SUN2: variants seen among roughly 807,000 people sequenced by gnomAD.
SUN2 encodes the protein Sad1 and UNC84 domain containing 2.
A neutral mutation model predicts 100.0 loss-of-function variants in SUN2; 60 were observed. The ratio of observed to expected loss-of-function variants is 0.60; its 90% CI spans 0.49 to 0.74. The LOEUF (loss-of-function observed/expected upper bound fraction) is 0.74, where lower values mean the gene tolerates loss of function less well. Among genes scored for constraint, SUN2 ranks in the 30% least tolerant of loss-of-function variants. The pLI, the probability that SUN2 is intolerant of heterozygous loss-of-function variation, is 0.00. For missense variants in SUN2, 834 were observed against 954.6 expected, an observed-to-expected ratio of 0.87 and a Z score of 1.66; for synonymous variants, 367 against 403.3, an observed-to-expected ratio of 0.91 and a Z score of 1.08.
chr22:38,752,857 T>C lies in SUN2; in HGVS notation c.-37-192A>G, dbSNP rs57558063. On this transcript the variant is annotated intron_variant, in intron 1 of 17. Coordinates refer to ENST00000689035, the MANE Select transcript of SUN2 (RefSeq NM_015374.3). ...GGATCTGTGAAGCACCCCTGCACTG[T>C]GCAGCGGCTGGAGTCACGCCCGGCC... is the stretch of plus-strand genomic sequence containing the variant. Among the ~76,000 whole-genome samples, 10,294 of 152,236 alleles carry C rather than the reference T, an allele frequency of 0.068. 1,199 individuals are homozygous for C. Among genetic ancestry groups the C allele is most frequent in the African/African-American group, 0.24 (9,840 of 41,518 alleles).
chr22:38,750,907 C>A lies in SUN2; in HGVS notation c.415G>T (p.Asp139Tyr). ...AGGAAGCATCGCCTACCCACGTAGT[C>A]GTCCTCAGAGGAGTAGCCCGAGGAA... is the stretch of plus-strand genomic sequence containing the variant. ...GSSSGYSSEDDYVGYSDVDQQ... is the reference protein window; with the variant it reads ...GSSSGYSSEDYYVGYSDVDQQ... Residue 139 changes from aspartate to tyrosine, a missense_variant, in exon 4 of 18, where the codon GAC (aspartate) becomes TAC (tyrosine). Transcript: ENST00000689035. 5 of 1,614,044 alleles carry A rather than the reference C, an allele frequency of 3.1e-6. No individual in the cohort carries two copies. Among genetic ancestry groups the A allele is most frequent in the Non-Finnish European group, 3.4e-6 (4 of 1,180,010 alleles).
chr22:38,738,995 C>T lies in SUN2; in HGVS notation c.1664-7G>A, dbSNP rs779831994. On this transcript the variant is annotated splice_region_variant and splice_polypyrimidine_tract_variant and intron_variant, in intron 14 of 17. Coordinates refer to ENST00000689035, the MANE Select transcript of SUN2 (RefSeq NM_015374.3). This position sits in a 1 kb window ranked among gnomAD's most constrained non-coding sequence, Gnocchi z 6.6. ...GTGCTGATGACGCTGGCCCCTGAGA[C>T]AGGAGAGGAAGGCAGGGTGGGCTCC... 6.2e-7 allele frequency: 1 copy of T among 1,605,068 alleles called. No individual in the cohort carries two copies. Among genetic ancestry groups the T allele is most frequent in the Non-Finnish European group, 8.5e-7 (1 of 1,176,164 alleles).
In SUN2 at chr22:38,755,047, C is replaced by G; in HGVS notation, c.-38+716G>C. 2 of 1,129,048 alleles carry G rather than the reference C, an allele frequency of 1.8e-6. No homozygotes were observed. The highest frequency in any genetic ancestry group is 2.8e-5 in the South Asian group (2 of 70,924). The allele number at this position is 1,129,048 out of a possible 1,614,324, so 69.9% of individuals were successfully genotyped here. On this transcript the variant is annotated intron_variant, in intron 1 of 17. Coordinates refer to ENST00000689035, the MANE Select transcript of SUN2 (RefSeq NM_015374.3). This position sits in a 1 kb window ranked among gnomAD's most constrained non-coding sequence, Gnocchi z 5.7. ...CTCCCTAACAATCAGTTAGGAAACG[C>G]TCATCGGAAAGCATCCTTCCCCACT... is the stretch of plus-strand genomic sequence containing the variant.
intron 10 of SUN2, among the ~76,000 whole-genome samples, 193 bp downstream of exon 10, chr22:38,741,301 G>A (rs1383061502): frequency 6.6e-6 from 1 of 152,158 alleles, no homozygotes; most frequent in African/African-American, 2.4e-5. Flanking sequence ...CTGTGCCCTG[G>A]CACACCCCAG....
In SUN2 at chr22:38,739,135, G is replaced by C. The variant is rs1484198096; in HGVS notation, c.1664-147C>G. On this transcript the variant is annotated intron_variant, in intron 14 of 17. Coordinates refer to ENST00000689035, the MANE Select transcript of SUN2 (RefSeq NM_015374.3). This position sits in a 1 kb window ranked among gnomAD's most constrained non-coding sequence, Gnocchi z 6.7. ...CCGAGATGCTCAGAGCAGCTTTAAA[G>C]GTCAGCCTCTCCCTGGCCCAGGATG... 6.3e-6 allele frequency: 6 copies of C among 949,024 alleles called. No homozygotes were observed. The highest frequency in any genetic ancestry group is 4.9e-5 in the African/African-American group (3 of 61,412). The allele number at this position is 949,024 out of a possible 1,614,324, so 58.8% of individuals were successfully genotyped here. A position where few individuals can be genotyped will look rare whatever the true frequency, so the allele number is the denominator to read the frequency against.
At position 38,738,546 on chromosome 22, in the gene SUN2, C is replaced by T. The variant is rs201726682; in HGVS notation, c.1947+41G>A. On this transcript the variant is annotated intron_variant, in intron 16 of 17. Coordinates refer to ENST00000689035, the MANE Select transcript of SUN2 (RefSeq NM_015374.3). This position sits in a 1 kb window ranked among gnomAD's most constrained non-coding sequence, Gnocchi z 6.6. ...CTCAGTAGAGAGGCCCACAGGATCC[C>T]CCTGCAGCCCCTCTGGCCCCACCAC... The T allele has an allele frequency of 1.6e-5, 25 of 1,594,312 alleles. No homozygotes were observed. In the East Asian group the frequency reaches 5.2e-4, roughly 33 times the overall value.
chr22:38,748,457 C>T (rs1285257497), intron 7 of SUN2, among the ~76,000 whole-genome samples: 1 of 152,230 alleles, frequency 6.6e-6, no homozygotes, highest in Non-Finnish European at 1.5e-5. Flanking sequence ...AGGATGACTG[C>T]TAATGATAAT....
At position 38,751,284 on chromosome 22, in the gene SUN2, C is replaced by G. The variant is rs1330502605; in HGVS notation, c.212G>C (p.Ser71Thr). The change falls in exon 3 of 18, where the codon AGT becomes ACT. Residue 71 changes from serine (S) to threonine (T), a missense_variant. Transcript: ENST00000689035. ...CCAGGACTCGTGGACCAGCGACTCA[C>G]TGTAGTAGGAGGTGTGTGCATCAGA... The part of the protein sequence containing the change: ...PSSDAHTSYY[S>T]ESLVHESWFP... The G allele has an allele frequency of 6.2e-7, 1 of 1,614,070 alleles. No individual in the cohort carries two copies. Among genetic ancestry groups the G allele is most frequent in the Non-Finnish European group, 8.5e-7 (1 of 1,180,038 alleles).
In SUN2 at chr22:38,738,385, C is replaced by T; in HGVS notation, c.1948-120G>A. On this transcript the variant is annotated intron_variant, in intron 16 of 17. Transcript: ENST00000689035. The surrounding 1 kb of genome is among the most constrained non-coding windows in gnomAD (Gnocchi z 6.6). ...CACCAGAGTGGCCTATGACAAGTCA[C>T]TTCACTCTCTTGTGCCACAGTTTCT... is the stretch of plus-strand genomic sequence containing the variant. The T allele has an allele frequency of 9.1e-7, 1 of 1,097,216 alleles. No individual in the cohort carries two copies. The highest frequency in any genetic ancestry group is 1.3e-6 in the Non-Finnish European group (1 of 756,738). The allele number at this position is 1,097,216 out of a possible 1,614,324, so 68.0% of individuals were successfully genotyped here. A position where few individuals can be genotyped will look rare whatever the true frequency, so the allele number is the denominator to read the frequency against.
In SUN2 at chr22:38,736,227, C is replaced by A; in HGVS notation, c.*40G>T. 1.3e-6 allele frequency: 2 copies of A among 1,583,112 alleles called. No homozygotes were observed. The highest frequency in any genetic ancestry group is 1.1e-5 in the South Asian group (1 of 89,332). ...GGGGAAGCGGCGGGGTGCTGTTCAC[C>A]CACTCCCAGATGGCTGGCAGCAGGC... On this transcript the variant is annotated 3_prime_UTR_variant, in exon 18 of 18. Transcript: ENST00000689035.
chr22:38,752,439 G>A, intron 2 of SUN2, 68 bp downstream of exon 2: 4 of 1,537,800 alleles, frequency 2.6e-6, no homozygotes, highest in Non-Finnish European at 3.5e-6. Flanking sequence ...CTGGACCACA[G>A]GGCGTGCGGG....
chr22:38,749,735 G>T (rs775186342), intron 6 of SUN2, 31 bp downstream of exon 6: 1 of 1,599,574 alleles, frequency 6.3e-7, no homozygotes, highest in Admixed American at 1.7e-5. Context: ...AGGGCCTTGC[G>T]ATTTATTGGC....
At position 38,755,418 on chromosome 22, in the gene SUN2, C is replaced by T; in HGVS notation, c.-38+345G>A. ...TCTGACAGGCAGAGGCTGGGAACTG[C>T]CTGTCCCTGGAAACGGCCTGTCTGG... On this transcript the variant is annotated intron_variant, in intron 1 of 17. Coordinates refer to ENST00000689035, the MANE Select transcript of SUN2 (RefSeq NM_015374.3). This position sits in a 1 kb window ranked among gnomAD's most constrained non-coding sequence, Gnocchi z 5.7. 1.0e-6 allele frequency: 1 copy of T among 998,344 alleles called. No homozygotes were observed. Among genetic ancestry groups the T allele is most frequent in the South Asian group, 4.1e-5 (1 of 24,206 alleles). 61.8% of individuals were successfully genotyped at this position (998,344 alleles called of 1,614,324 possible). A position where few individuals can be genotyped will look rare whatever the true frequency, so the allele number is the denominator to read the frequency against.
At chr22:38,754,023 A>C (rs2092967732) in intron 1 of SUN2, among the ~76,000 whole-genome samples, 1 of 152,158 alleles carries the variant, frequency 6.6e-6, no homozygotes, top group African/African-American at 2.4e-5. Context: ...CAAAATAGGG[A>C]GGAGGAGGGC....
rs1418258736 is a variant in SUN2 at position 38,755,742 on chromosome 22, C to G, written c.-38+21G>C. On this transcript the variant is annotated intron_variant, in intron 1 of 17. Transcript: ENST00000689035. This position sits in a 1 kb window ranked among gnomAD's most constrained non-coding sequence, Gnocchi z 5.7. ...CCGGGCCGCGGCCCCCCAACCCTCT[C>G]CTGAGCTCGCCCGCACTCACCTGCT... The G allele has an allele frequency of 2.0e-6, 2 of 985,016 alleles. No individual in the cohort carries two copies. Among genetic ancestry groups the G allele is most frequent in the African/African-American group, 1.7e-5 (1 of 57,200 alleles). The allele number at this position is 985,016 out of a possible 1,614,324, so 61.0% of individuals were successfully genotyped here.
At chr22:38,750,839 C>G (rs1311477404) in intron 4 of SUN2, 59 bp downstream of exon 4, 5 of 1,601,336 alleles carry the variant, frequency 3.1e-6, no homozygotes, top group South Asian at 1.1e-5. Flanking sequence ...CCCTGCCCAG[C>G]CTTCCTGAGG....
intron 7 of SUN2, among the ~76,000 whole-genome samples, chr22:38,748,462 G>A (rs1357477490): frequency 6.6e-6 from 1 of 152,236 alleles, no homozygotes; most frequent in Non-Finnish European, 1.5e-5. Context: ...GACTGCTAAT[G>A]ATAATGGGAG....
chr22:38,741,406 C>T, intron 10 of SUN2, 88 bp downstream of exon 10: 1 of 1,361,288 alleles, frequency 7.3e-7, no homozygotes, highest in Non-Finnish European at 1.0e-6. Flanking sequence ...CCAAACAGTC[C>T]CTTTGGAAGG....
At position 38,736,112 on chromosome 22, in the gene SUN2, T is replaced by C. The variant is rs540939208; in HGVS notation, c.*155A>G. 8.0e-6 allele frequency: 6 copies of C among 748,820 alleles called. No homozygotes were observed. The highest frequency in any genetic ancestry group is 7.0e-5 in the African/African-American group (4 of 57,512). 46.4% of individuals were successfully genotyped at this position (748,820 alleles called of 1,614,324 possible). A position where few individuals can be genotyped will look rare whatever the true frequency, so the allele number is the denominator to read the frequency against. ...CTAACCGCCTCGAGCCACCTGCTGC[T>C]CAGGAGACCCTGCCCGTCCTTTTCA... On this transcript the variant is annotated 3_prime_UTR_variant, in exon 18 of 18. Transcript: ENST00000689035.
Sources: allele counts gnomAD v4.1 joint callset (sites outside exome capture counted in the v4.1 genomes callset), GRCh38; gene constraint gnomAD v4.1.1; non-coding constraint Gnocchi (gnomAD v3.1); transcripts MANE v1.5; gene names NCBI Gene and HGNC (gene_info 2026-07-23, HGNC 2026-07-21).